The following LDLRAD4 variants were observed in gnomAD, a reference collection of about 807,000 sequenced individuals.
The protein encoded by LDLRAD4 is low-density lipoprotein receptor class A domain-containing protein 4.
A neutral mutation model predicts 17.0 loss-of-function variants in LDLRAD4; 5 were observed. The ratio of observed to expected loss-of-function variants is 0.29; its 90% CI spans 0.15 to 0.62. LDLRAD4 has a LOEUF of 0.62. Ranked by LOEUF, LDLRAD4 falls within the 20% of genes least tolerant of loss-of-function variation. LDLRAD4 has a pLI of 0.84. For missense variants in LDLRAD4, 340 were observed against 424.7 expected, an observed-to-expected ratio of 0.80 and a Z score of 1.75; for synonymous variants, 168 against 171.8, an observed-to-expected ratio of 0.98 and a Z score of 0.17.
intron 3 of LDLRAD4, chr18:13,612,660 G>C (rs747829357): frequency 5.6e-6 from 9 of 1,613,480 alleles, no homozygotes; most frequent in African/African-American, 4.0e-5. Flanking sequence ...TTGAACGTGG[G>C]GGGGCTGCGT....
At chr18:13,292,831 G>T (rs765149969) in intron 1 of LDLRAD4, among the ~76,000 whole-genome samples, 3 of 152,216 alleles carry the variant, frequency 2.0e-5, no homozygotes, top group Non-Finnish European at 4.4e-5. Context: ...TGGCGATCCC[G>T]TTACTGAATT....
In LDLRAD4 at chr18:13,505,717, C is replaced by A. The variant is rs150748769; in HGVS notation, c.181+67333C>A. 1.1e-3 allele frequency among the ~76,000 whole-genome samples: 169 copies of A among 152,226 alleles called. 2 individuals are homozygous for A. In the East Asian group the frequency reaches 0.028, roughly 25 times the overall value. On this transcript the variant is annotated intron_variant, in intron 3 of 5. Transcript: ENST00000359446. ...CCTGTAGTCGCAGCTACTCGGGAGG[C>A]TGAGGGAGGAGAATGGCATGAACCT...
chr18:13,376,739 T>C (rs1174656079), intron 1 of LDLRAD4, among the ~76,000 whole-genome samples: 3 of 152,232 alleles, frequency 2.0e-5, no homozygotes, highest in Non-Finnish European at 4.4e-5. Flanking sequence ...CACGTATCTT[T>C]ACCGCTGCCT....
intron 3 of LDLRAD4, among the ~76,000 whole-genome samples, chr18:13,606,940 G>A (rs1316997735): frequency 6.6e-6 from 1 of 152,242 alleles, no homozygotes; most frequent in Non-Finnish European, 1.5e-5. Flanking sequence ...ATGGCAACAT[G>A]TGGAGATGTA....
At chr18:13,338,501 T>G (rs941806342) in intron 1 of LDLRAD4, among the ~76,000 whole-genome samples, 9 of 152,160 alleles carry the variant, frequency 5.9e-5, no homozygotes, top group African/African-American at 1.7e-4. Context: ...GTTGGTGGAT[T>G]TGTTTGTGAA....
chr18:13,568,567 C>T (rs974766016), intron 3 of LDLRAD4, among the ~76,000 whole-genome samples: 3 of 152,150 alleles, frequency 2.0e-5, no homozygotes, highest in African/African-American at 7.2e-5. Context: ...TCCCACACAC[C>T]GCTTCTGCCA....
At chr18:13,650,829 A>G (rs1246861193) in exon 6 of LDLRAD4, 1 of 153,380 alleles carries the variant, frequency 6.5e-6, no homozygotes, top group Non-Finnish European at 1.5e-5. Context: ...TACAGATTAA[A>G]GTCTATGTAG....
chr18:13,406,207 C>T (rs1000059264), intron 2 of LDLRAD4, among the ~76,000 whole-genome samples: 3 of 152,176 alleles, frequency 2.0e-5, no homozygotes, highest in Non-Finnish European at 4.4e-5. Context: ...CTGGTCCTCT[C>T]GGCTGATGAC....
rs1224538092 is a variant in LDLRAD4, at chr18:13,367,814, TGA to T, written c.-382-19519_-382-19518del. On this transcript the variant is annotated intron_variant, in intron 1 of 5. Transcript: ENST00000359446. The surrounding 1 kb of genome is among the most constrained non-coding windows in gnomAD (Gnocchi z 4.1). ...GGGCACGTGCTTTCAGGGGATGTAC[TGA>T]GAGAGAGGGGACAGTGGGGTGTGGG... is the stretch of plus-strand genomic sequence containing the variant. Among the ~76,000 whole-genome samples, 2 of 133,798 alleles carry T rather than the reference TGA, an allele frequency of 1.5e-5. No homozygotes were observed. Among genetic ancestry groups the T allele is most frequent in the African/African-American group, 2.9e-5 (1 of 34,420 alleles). The allele number at this position is 133,798 out of a possible 152,430, so 87.8% of individuals were successfully genotyped here. A position where few individuals can be genotyped will look rare whatever the true frequency, so the allele number is the denominator to read the frequency against.
At chr18:13,454,933 G>A (rs975524623) in intron 3 of LDLRAD4, among the ~76,000 whole-genome samples, 5 of 152,262 alleles carry the variant, frequency 3.3e-5, no homozygotes, top group African/African-American at 9.6e-5. Flanking sequence ...ATCACCTGCG[G>A]CGGGAGCAGG....
intron 1 of LDLRAD4, among the ~76,000 whole-genome samples, chr18:13,229,102 T>C (rs1304896213): frequency 6.6e-6 from 1 of 152,222 alleles, no homozygotes; most frequent in African/African-American, 2.4e-5. Flanking sequence ...GCTGTCCCCA[T>C]TGGACCCACC....
intron 4 of LDLRAD4, among the ~76,000 whole-genome samples, chr18:13,634,730 T>TTTA (rs2148915330): frequency 6.6e-6 from 1 of 151,888 alleles, no homozygotes; most frequent in African/African-American, 2.4e-5. Context: ...CATCCTAACG[T>TTTA]TTATATATTA....
At chr18:13,419,061 A>G (rs2089202291) in intron 2 of LDLRAD4, among the ~76,000 whole-genome samples, 1 of 152,224 alleles carries the variant, frequency 6.6e-6, no homozygotes, top group Non-Finnish European at 1.5e-5. Context: ...TGGCTTTACA[A>G]ATGACCTTAG....
intron 1 of LDLRAD4, among the ~76,000 whole-genome samples, chr18:13,321,162 C>T (rs2081196277): frequency 6.6e-6 from 1 of 152,116 alleles, no homozygotes; most frequent in Non-Finnish European, 1.5e-5. Context: ...TCTTCTCTGG[C>T]CCAGCAGACA....
intron 1 of LDLRAD4, among the ~76,000 whole-genome samples, chr18:13,262,560 A>G (rs1355615646): frequency 4.0e-5 from 3 of 75,740 alleles, no homozygotes; most frequent in Admixed American, 2.7e-4. Context: ...CTGTGCGTGG[A>G]AACTGAGTCC....
At chr18:13,276,035 G>A (rs576893902), upstream of LDLRAD4, among the ~76,000 whole-genome samples, 18 of 152,206 alleles carry the variant, frequency 1.2e-4, no homozygotes, top group South Asian at 3.5e-3. Flanking sequence ...TTGAGATAGG[G>A]TCTTATTCTG....
intron 4 of LDLRAD4, among the ~76,000 whole-genome samples, chr18:13,642,935 T>G (rs865942470): frequency 7.0e-6 from 1 of 143,206 alleles, no homozygotes; most frequent in South Asian, 2.2e-4. Context: ...TTTGTTTTTT[T>G]TTTTTCTTCT....
chr18:13,267,268 G>A (rs561927897), intron 1 of LDLRAD4, among the ~76,000 whole-genome samples: 2 of 152,160 alleles, frequency 1.3e-5, no homozygotes, highest in East Asian at 1.9e-4. Flanking sequence ...TGTTTGGAAC[G>A]TCTGGAAACT....
chr18:13,602,938 A>G (rs1459937407), intron 3 of LDLRAD4, among the ~76,000 whole-genome samples: 1 of 152,194 alleles, frequency 6.6e-6, no homozygotes, highest in Non-Finnish European at 1.5e-5. Flanking sequence ...ATTTAATGGG[A>G]GGACATCGCT....
Sources: gnomAD v4.1 joint callset for allele counts (sites outside exome capture counted in the v4.1 genomes callset) on GRCh38, gnomAD v4.1.1 for gene constraint, Gnocchi (gnomAD v3.1) non-coding constraint, MANE v1.5 for transcripts, NCBI Gene and HGNC (gene_info 2026-07-23, HGNC 2026-07-21) for gene names.